COLEC11: variants seen among roughly 807,000 people sequenced by gnomAD.
The protein encoded by COLEC11 is collectin subfamily member 11, also known as collectin-11.
In COLEC11, 20 loss-of-function variants were observed where a neutral mutation model predicts 27.3. The observed-to-expected ratio is 0.73, with a 90% confidence interval of 0.51 to 1.06. The LOEUF is 1.06. COLEC11 is among the 50% of genes least tolerant of loss of function. The pLI is 0.00. For missense variants in COLEC11, 310 were observed against 383.0 expected (o/e 0.81, Z 1.59); for synonymous variants, 163 against 154.7 (o/e 1.05, Z -0.40).
At chr2:3,616,062 G>T (rs1340790541) in intron 3 of COLEC11, among the ~76,000 whole-genome samples, 2 of 149,326 alleles carry the variant, frequency 1.3e-5, no homozygotes, top group African/African-American at 5.0e-5. Flanking sequence ...GGGCAGAGAC[G>T]CTCCTCACCT....
intron 2 of COLEC11, among the ~76,000 whole-genome samples, chr2:3,608,048 C>G (rs755203952): frequency 9.2e-5 from 14 of 152,212 alleles, no homozygotes; most frequent in Non-Finnish European, 1.3e-4. Context: ...CAAGCACTGT[C>G]CACGGATCTT....
At position 3,641,306 on chromosome 2, in the gene COLEC11, G is replaced by C. The variant is rs1054460763; in HGVS notation, c.328+975G>C. 6 of 1,303,700 alleles carry C rather than the reference G, an allele frequency of 4.6e-6. No individual in the cohort carries two copies. The African/African-American group carries it at 7.6e-5, about 16-fold the overall frequency. The allele number at this position is 1,303,700 out of a possible 1,614,324, so 80.8% of individuals were successfully genotyped here. The stretch of plus-strand genomic sequence containing the variant: ...AAGGTGTGCTTGCCGGTGTGACTTG[G>C]CTGAGTGTGAGTGCGCTGAGATCAG... On this transcript the variant is annotated intron_variant, in intron 5 of 6. Transcript: ENST00000349077.
At chr2:3,603,544 C>T (rs954939599) in intron 1 of COLEC11, 54 of 1,101,854 alleles carry the variant, frequency 4.9e-5, no homozygotes, top group East Asian at 2.6e-4. Flanking sequence ...CTCGAACTCC[C>T]GACTTTAGGT....
chr2:3,612,843 G>C (rs1415709911), intron 2 of COLEC11, among the ~76,000 whole-genome samples: 1 of 152,136 alleles, frequency 6.6e-6, no homozygotes, highest in Admixed American at 6.5e-5. Context: ...CTGTGCCCTG[G>C]GGGGCTCACA....
chr2:3,604,429 A>AT lies in COLEC11; in HGVS notation c.90dup (p.Asp31Ter). The AT allele has an allele frequency of 6.2e-7, 1 of 1,614,186 alleles. No individual in the cohort carries two copies. The highest frequency in any genetic ancestry group is 8.5e-7 in the Non-Finnish European group (1 of 1,180,042). On this transcript the variant is annotated frameshift_variant, in exon 2 of 7. Coordinates refer to ENST00000349077, the MANE Select transcript of COLEC11 (RefSeq NM_024027.5). LOFTEE classifies it high-confidence loss of function. ...TCTGGACATCCTCAGCCGGCTGGCG[A>AT]TGACGCCTGCTCTGTGCAGATCCTC...
At chr2:3,634,914 G>GC (rs113200291) in intron 3 of COLEC11, among the ~76,000 whole-genome samples, 38,356 of 151,616 alleles carry the variant, frequency 0.25, 7,027 homozygotes, top group African/African-American at 0.52. Flanking sequence ...CTCACTGGGT[G>GC]CCCCCAGCGA....
intron 3 of COLEC11, among the ~76,000 whole-genome samples, chr2:3,616,493 C>G (rs1204097378): frequency 6.6e-6 from 1 of 152,222 alleles, no homozygotes; most frequent in African/African-American, 2.4e-5. Context: ...GAACGAGACT[C>G]CGTCTGCAAT....
At chr2:3,603,565 C>G (rs946070299) in intron 1 of COLEC11, 6 of 1,374,908 alleles carry the variant, frequency 4.4e-6, no homozygotes, top group Non-Finnish European at 5.1e-6. Context: ...GATCTGCCCA[C>G]CTCAGCCTCC....
chr2:3,603,730 C>A (rs1382816576), intron 1 of COLEC11: 2 of 1,477,932 alleles, frequency 1.4e-6, no homozygotes, highest in African/African-American at 1.4e-5. Flanking sequence ...TGGGCTCGGC[C>A]CCCACCTCCC....
chr2:3,637,447 G>T, intron 3 of COLEC11, 86 bp from the exon 4 acceptor site: 1 of 977,908 alleles, frequency 1.0e-6, no homozygotes, highest in Non-Finnish European at 1.7e-6. Flanking sequence ...AAGGAGGGCG[G>T]TCGGGTTATC....
chr2:3,625,831 C>T (rs1210696406), intron 3 of COLEC11, among the ~76,000 whole-genome samples: 1 of 152,066 alleles, frequency 6.6e-6, no homozygotes, highest in Non-Finnish European at 1.5e-5. Flanking sequence ...CGGGGTTTCA[C>T]CACATTGGCC....
chr2:3,630,001 C>T (rs934466618), intron 3 of COLEC11, among the ~76,000 whole-genome samples: 1 of 152,130 alleles, frequency 6.6e-6, no homozygotes. Context: ...TGAATGTGTG[C>T]ATGCATCATG....
At chr2:3,631,485 C>T (rs1249115840) in intron 3 of COLEC11, among the ~76,000 whole-genome samples, 1 of 152,134 alleles carries the variant, frequency 6.6e-6, no homozygotes, top group Non-Finnish European at 1.5e-5. Context: ...CAGCTGTGCC[C>T]AGTGCTTGGC....
At chr2:3,620,322 G>A (rs541067569) in intron 3 of COLEC11, among the ~76,000 whole-genome samples, 1 of 151,908 alleles carries the variant, frequency 6.6e-6, no homozygotes, top group East Asian at 1.9e-4. Flanking sequence ...TTTCTTCTAG[G>A]TTATTCAAAT....
intron 3 of COLEC11, among the ~76,000 whole-genome samples, chr2:3,621,784 A>G (rs1323837500): frequency 6.6e-6 from 1 of 152,228 alleles, no homozygotes. Context: ...AACTAATAAC[A>G]ACTTAACTTT....
chr2:3,598,062 A>T (rs923385984), intron 1 of COLEC11, among the ~76,000 whole-genome samples: 1 of 152,056 alleles, frequency 6.6e-6, no homozygotes, highest in Non-Finnish European at 1.5e-5. Flanking sequence ...CAGCCTCCCG[A>T]GTCACTGGAA....
chr2:3,603,737 T>C, intron 1 of COLEC11: 2 of 1,453,350 alleles, frequency 1.4e-6, no homozygotes, highest in Non-Finnish European at 1.9e-6. Context: ...GGCCCCCACC[T>C]CCCCAGGCCC....
In COLEC11 at chr2:3,637,213, TCTCGTCTCA is replaced by T. The variant is rs1410960777; in HGVS notation, c.203-318_203-310del. Among the ~76,000 whole-genome samples the T allele has an allele frequency of 5.3e-5, 8 of 152,122 alleles. No individual in the cohort carries two copies. In the East Asian group the frequency reaches 1.5e-3, roughly 29 times the overall value. ...TTGCTGGGATGGAGGAAAGACGAGC[TCTCGTCTCA>T]CACAGGCACGGAGGGGATGGACCGT... On this transcript the variant is annotated intron_variant, in intron 3 of 6. Coordinates refer to ENST00000349077, the MANE Select transcript of COLEC11 (RefSeq NM_024027.5).
At position 3,640,259 on chromosome 2, in the gene COLEC11, C is replaced by T; in HGVS notation, c.275-19C>T. On this transcript the variant is annotated intron_variant, in intron 4 of 6. Transcript: ENST00000349077. ...GTCCATCTCTGCCTGGTGACTTGGACCTTGTTTTTTATTTTCAGGTGAGAA... is the reference window on the plus strand; with the variant it reads ...GTCCATCTCTGCCTGGTGACTTGGATCTTGTTTTTTATTTTCAGGTGAGAA... 9 of 1,550,624 alleles carry T rather than the reference C, an allele frequency of 5.8e-6. No individual in the cohort carries two copies. The highest frequency in any genetic ancestry group is 8.0e-6 in the Non-Finnish European group (9 of 1,122,482).
Sources: gnomAD v4.1 joint callset for allele counts (sites outside exome capture counted in the v4.1 genomes callset) on GRCh38, gnomAD v4.1.1 for gene constraint, MANE v1.5 for transcripts, NCBI Gene and HGNC (gene_info 2026-07-23, HGNC 2026-07-21) for gene names.